The following ERICH1 variants were observed in gnomAD, a reference collection of about 807,000 sequenced individuals.
The protein encoded by ERICH1 is glutamate rich 1, also known as glutamate-rich protein 1.
In ERICH1, 56 loss-of-function variants were observed where a neutral mutation model predicts 39.6. The ratio of observed to expected loss-of-function variants is 1.41; its 90% CI spans 1.14 to 1.77. The LOEUF is 1.77. Ranked by LOEUF, ERICH1 falls within the 40% of genes most tolerant of loss-of-function variation. The pLI, the probability that ERICH1 is intolerant of heterozygous loss-of-function variation, is 0.00. For synonymous variants in ERICH1, 313 were observed against 223.6 expected (o/e 1.40, Z -3.57); for missense variants, 826 against 575.4 (o/e 1.44, Z -4.45).
chr8:632,222 C>G (rs1212876900), intron 3 of ERICH1, among the ~76,000 whole-genome samples: 1 of 152,006 alleles, frequency 6.6e-6, no homozygotes, highest in Non-Finnish European at 1.5e-5. Flanking sequence ...TCTCATTTTT[C>G]TATTGTGTGT....
chr8:660,184 C>A (rs2131737697), downstream of ERICH1, among the ~76,000 whole-genome samples: 1 of 150,056 alleles, frequency 6.7e-6, no homozygotes. Flanking sequence ...CGACTCTCCC[C>A]CTGGCCCCTG....
At chr8:694,694 T>C (rs1283733781) in intron 2 of ERICH1, among the ~76,000 whole-genome samples, 1 of 152,228 alleles carries the variant, frequency 6.6e-6, no homozygotes, top group Admixed American at 6.5e-5. Context: ...ACGGTGACCA[T>C]GTAACCCATA....
At chr8:661,727 G>C (rs1801450217), downstream of ERICH1, among the ~76,000 whole-genome samples, 1 of 152,118 alleles carries the variant, frequency 6.6e-6, no homozygotes, top group African/African-American at 2.4e-5. Context: ...TTCCTTTTTG[G>C]AATCAGAATG....
chr8:712,422 GTTTT>G (rs1279845606), intron 2 of ERICH1, among the ~76,000 whole-genome samples: 1 of 91,850 alleles, frequency 1.1e-5, no homozygotes, highest in Non-Finnish European at 3.3e-5. Flanking sequence ...ATGATACCGT[GTTTT>G]GTTTTGTTTT....
rs1191859151 is a variant in ERICH1 at position 649,320 on chromosome 8, A to C, written c.976+19278T>G. Among the ~76,000 whole-genome samples, 2 of 23,186 alleles carry C rather than the reference A, an allele frequency of 8.6e-5. 1 individual carries two copies. The highest frequency in any genetic ancestry group is 3.8e-4 in the Non-Finnish European group (2 of 5,314). 15.2% of individuals were successfully genotyped at this position (23,186 alleles called of 152,430 possible). A position where few individuals can be genotyped will look rare whatever the true frequency, so the allele number is the denominator to read the frequency against. On this transcript the variant is annotated intron_variant, in intron 3 of 3. Transcript: ENST00000522706. ...TAAACAAATATTTAGCTAAAATAAC[A>C]CATACCTATTTCTTTGCATTTCACC...
chr8:706,937 A>G (rs186549830), intron 2 of ERICH1, among the ~76,000 whole-genome samples: 11 of 152,360 alleles, frequency 7.2e-5, no homozygotes, highest in Non-Finnish European at 1.5e-5. Context: ...CTACAAACTC[A>G]TGCAATACCC....
chr8:657,413 T>A (rs1433638885), intron 3 of ERICH1, among the ~76,000 whole-genome samples: 2 of 152,020 alleles, frequency 1.3e-5, no homozygotes, highest in Non-Finnish European at 2.9e-5. Context: ...ATGTCTCTGG[T>A]CAGAGGTTTC....
intron 3 of ERICH1, among the ~76,000 whole-genome samples, chr8:644,199 G>A (rs1424449651): frequency 6.6e-6 from 1 of 151,852 alleles, no homozygotes; most frequent in African/African-American, 2.4e-5. Flanking sequence ...CCATCCTAAG[G>A]CAAGCGCCTG....
At chr8:687,359 G>T (rs1351267149) in intron 3 of ERICH1, among the ~76,000 whole-genome samples, 1 of 152,216 alleles carries the variant, frequency 6.6e-6, no homozygotes, top group African/African-American at 2.4e-5. Context: ...ATTGACTTAA[G>T]ACTTAATTCC....
At chr8:721,415 T>A (rs544126532) in intron 1 of ERICH1, among the ~76,000 whole-genome samples, 6 of 152,274 alleles carry the variant, frequency 3.9e-5, no homozygotes, top group Admixed American at 3.3e-4. Context: ...AGCATGGAGG[T>A]TGGGGCTGGG....
chr8:678,082 TAA>T (rs142182739), intron 3 of ERICH1, among the ~76,000 whole-genome samples: 2,058 of 152,292 alleles, frequency 0.014, 19 homozygotes, highest in Non-Finnish European at 0.021. Flanking sequence ...CATAAAATGT[TAA>T]GTTTGTCATA....
Position 634,183 on chromosome 8 carries a change from A to AAACAAACAAAAAACAAACAAAC in ERICH1, c.977-18900_977-18899insGTTTGTTTGTTTTTTGTTTGTT, listed in dbSNP as rs1554481907. Among the ~76,000 whole-genome samples, 83 of 135,846 alleles carry AAACAAACAAAAAACAAACAAAC rather than the reference A, an allele frequency of 6.1e-4. 1 individual carries two copies. Among genetic ancestry groups the AAACAAACAAAAAACAAACAAAC allele is most frequent in the African/African-American group, 2.4e-3 (82 of 34,358 alleles). 89.1% of individuals were successfully genotyped at this position (135,846 alleles called of 152,430 possible). On this transcript the variant is annotated intron_variant, in intron 3 of 3. Transcript: ENST00000522706. ...TCCTAAAACTCAAAAAAAAAAAAAA[A>AAACAAACAAAAAACAAACAAAC]AAACAAACAAAAAAAACCCTGATTC...
chr8:629,653 G>T (rs367614785), intron 3 of ERICH1, among the ~76,000 whole-genome samples: 3,418 of 78,170 alleles, frequency 0.044, 91 homozygotes, highest in Admixed American at 0.062. Context: ...ACTCACACCC[G>T]CCTGTGACCA....
intron 3 of ERICH1, chr8:627,293 C>A (rs1289195298): frequency 6.8e-6 from 3 of 443,872 alleles, no homozygotes; most frequent in African/African-American, 6.0e-5. Flanking sequence ...GGGTGTATAA[C>A]AGGCCAGGGG....
chr8:700,254 CGCGCACAGGCCCGCACAG>C (rs1428555740), intron 2 of ERICH1, among the ~76,000 whole-genome samples: 10 of 59,152 alleles, frequency 1.7e-4, no homozygotes, highest in Admixed American at 8.1e-4. Context: ...GGCCCGCACA[CGCGCACAGGCCCGCACAG>C]GCGCACAGAC....
chr8:626,815 T>A (rs1017703110), intron 3 of ERICH1: 1 of 244,284 alleles, frequency 4.1e-6, no homozygotes, highest in African/African-American at 2.2e-5. Context: ...CTGATTTATA[T>A]CACATCATGG....
At chr8:670,815 C>T (rs1803131882) in intron 4 of ERICH1, among the ~76,000 whole-genome samples, 1 of 152,088 alleles carries the variant, frequency 6.6e-6, no homozygotes, top group Non-Finnish European at 1.5e-5. Context: ...TCTGAGCTTA[C>T]TGGTCCCCAG....
rs114358379 is a variant in ERICH1 at position 722,849 on chromosome 8, A to G, written c.23-6842T>C. The stretch of plus-strand genomic sequence containing the variant: ...ATGTGGCTGCTCAGGAGAAGCTGTA[A>G]AACCGATAGGACCACATGCTTACAG... On this transcript the variant is annotated intron_variant, in intron 1 of 5. Transcript: ENST00000262109. Among the ~76,000 whole-genome samples, 1,353 of 152,362 alleles carry G rather than the reference A, an allele frequency of 8.9e-3. 17 individuals are homozygous for G. Among genetic ancestry groups the G allele is most frequent in the African/African-American group, 0.031 (1,291 of 41,578 alleles).
chr8:669,757 G>A (rs1802868155), intron 4 of ERICH1, among the ~76,000 whole-genome samples: 1 of 152,250 alleles, frequency 6.6e-6, no homozygotes, highest in African/African-American at 2.4e-5. Flanking sequence ...CTGTTTAGAA[G>A]AAATCAAGGA....
Sources: gnomAD v4.1 joint callset for allele counts (sites outside exome capture counted in the v4.1 genomes callset) on GRCh38, gnomAD v4.1.1 for gene constraint, MANE v1.5 for transcripts, NCBI Gene and HGNC (gene_info 2026-07-23, HGNC 2026-07-21) for gene names.